Variants in SUGCT observed in about 807,000 individuals in gnomAD.
SUGCT encodes the protein succinyl-CoA:glutarate-CoA transferase.
SUGCT carries 41 observed loss-of-function variants against 55.0 expected under a neutral mutation model. The ratio of observed to expected loss-of-function variants is 0.74; its 90% CI spans 0.58 to 0.97. The LOEUF (loss-of-function observed/expected upper bound fraction) is 0.97. Ranked by LOEUF, SUGCT falls within the 50% of genes least tolerant of loss-of-function variation. SUGCT has a pLI of 0.00. For synonymous variants in SUGCT, 187 were observed against 200.4 expected, an observed-to-expected ratio of 0.93 and a Z score of 0.56; for missense variants, 568 against 547.8, an observed-to-expected ratio of 1.04 and a Z score of -0.37.
intron 12 of SUGCT, among the ~76,000 whole-genome samples, chr7:40,682,682 C>G (rs1372816650): frequency 6.6e-6 from 1 of 151,898 alleles, no homozygotes; most frequent in Non-Finnish European, 1.5e-5. Context: ...TTTTCTATGT[C>G]TATTAAGGTT....
intron 12 of SUGCT, among the ~76,000 whole-genome samples, chr7:40,528,130 T>TA (rs1334646134): frequency 2.0e-5 from 3 of 152,168 alleles, no homozygotes; most frequent in Non-Finnish European, 4.4e-5. Flanking sequence ...TAAGTATACT[T>TA]ACCTTGAAAG....
At chr7:40,421,050 C>A (rs2151370467) in intron 9 of SUGCT, among the ~76,000 whole-genome samples, 1 of 152,256 alleles carries the variant, frequency 6.6e-6, no homozygotes, top group South Asian at 2.1e-4. Flanking sequence ...CTGTTCCCAT[C>A]CTGTGCCTTT....
chr7:40,905,668 T>C, the SUGCT span, among the ~76,000 whole-genome samples: 2 of 152,140 alleles, frequency 1.3e-5, no homozygotes, highest in Non-Finnish European at 1.5e-5. Flanking sequence ...AAAATTGTTG[T>C]GGTAGAATAC....
At chr7:40,288,755 C>A (rs1326384578) in intron 8 of SUGCT, among the ~76,000 whole-genome samples, 1 of 151,816 alleles carries the variant, frequency 6.6e-6, no homozygotes, top group Non-Finnish European at 1.5e-5. Context: ...ATTTTCCTTT[C>A]AAAATGTAAA....
At chr7:40,732,474 T>C (rs1044936779) in intron 12 of SUGCT, among the ~76,000 whole-genome samples, 11 of 152,184 alleles carry the variant, frequency 7.2e-5, no homozygotes, top group Admixed American at 5.2e-4. Flanking sequence ...CAACCTGTTA[T>C]AGGCAGTGTA....
At chr7:40,516,580 C>T (rs905705959) in intron 12 of SUGCT, among the ~76,000 whole-genome samples, 1 of 152,032 alleles carries the variant, frequency 6.6e-6, no homozygotes, top group South Asian at 2.1e-4. Context: ...GTTGGCACAG[C>T]ACCAGTTATT....
chr7:40,160,021 A>G (rs1309338102), intron 1 of SUGCT, among the ~76,000 whole-genome samples: 1 of 152,190 alleles, frequency 6.6e-6, no homozygotes, highest in East Asian at 1.9e-4. Context: ...AAAGAACATA[A>G]GCAGCCTCTG....
intron 1 of SUGCT, among the ~76,000 whole-genome samples, chr7:40,167,612 A>G (rs1023236490): frequency 2.6e-5 from 4 of 152,310 alleles, no homozygotes; most frequent in East Asian, 1.9e-4. Flanking sequence ...TTATACCTCT[A>G]TTATAAGCTG....
chr7:40,163,261 T>A (rs540172936), intron 1 of SUGCT, among the ~76,000 whole-genome samples: 1 of 152,296 alleles, frequency 6.6e-6, no homozygotes, highest in African/African-American at 2.4e-5. Context: ...ATTCAAAAGT[T>A]CTTTTTCTGG....
At chr7:40,544,351 G>A (rs1296254679) in intron 12 of SUGCT, among the ~76,000 whole-genome samples, 2 of 152,090 alleles carry the variant, frequency 1.3e-5, no homozygotes, top group Non-Finnish European at 2.9e-5. Flanking sequence ...GCAAGTGGGT[G>A]TGTGAGCAAA....
chr7:41,005,549 T>A, the SUGCT span, among the ~76,000 whole-genome samples: 1 of 152,186 alleles, frequency 6.6e-6, no homozygotes, highest in Non-Finnish European at 1.5e-5. Flanking sequence ...ACTTCTCCTT[T>A]GTGGGTTTTG....
chr7:40,209,782 T>A (rs1405190050), intron 6 of SUGCT, among the ~76,000 whole-genome samples: 2 of 151,948 alleles, frequency 1.3e-5, no homozygotes, highest in Non-Finnish European at 2.9e-5. Context: ...GGTGACAGAG[T>A]GAGACTCTAT....
intron 8 of SUGCT, among the ~76,000 whole-genome samples, chr7:40,275,395 T>G (rs1425527113): frequency 6.6e-6 from 1 of 152,196 alleles, no homozygotes; most frequent in Non-Finnish European, 1.5e-5. Context: ...AAGCTGGTTA[T>G]ACTGAAATAT....
At chr7:40,482,466 T>C (rs541015018) in intron 11 of SUGCT, among the ~76,000 whole-genome samples, 31 of 152,340 alleles carry the variant, frequency 2.0e-4, no homozygotes, top group African/African-American at 6.7e-4. Flanking sequence ...TAGTTGATTT[T>C]ATTTCTTCTT....
At chr7:40,453,916 CTG>C (rs1789327282) in intron 10 of SUGCT, among the ~76,000 whole-genome samples, 1 of 152,056 alleles carries the variant, frequency 6.6e-6, no homozygotes, top group Admixed American at 6.6e-5. Flanking sequence ...ATCACAAACA[CTG>C]TTTAATAAAT....
chr7:40,971,312 A>G, the SUGCT span, among the ~76,000 whole-genome samples: 4 of 151,996 alleles, frequency 2.6e-5, no homozygotes, highest in Admixed American at 2.6e-4. Flanking sequence ...TGATCCCATC[A>G]CCTCCCACCA....
At chr7:40,607,106 ATTTTT>A (rs201083553) in intron 12 of SUGCT, among the ~76,000 whole-genome samples, 1 of 141,048 alleles carries the variant, frequency 7.1e-6, no homozygotes, top group Non-Finnish European at 1.6e-5. Flanking sequence ...CTTTTTCTGG[ATTTTT>A]TTTTTTTTTT....
chr7:40,417,431 A>T (rs1787064543), intron 9 of SUGCT, among the ~76,000 whole-genome samples: 1 of 151,782 alleles, frequency 6.6e-6, no homozygotes, highest in Non-Finnish European at 1.5e-5. Context: ...ATCCTTAGTA[A>T]TAGCAGTTTT....
chr7:40,644,383 C>T (rs868469273), intron 12 of SUGCT, among the ~76,000 whole-genome samples: 4 of 152,220 alleles, frequency 2.6e-5, no homozygotes, highest in African/African-American at 9.6e-5. Flanking sequence ...TCAATCACTG[C>T]TTTCTGGATT....
Sources: gnomAD v4.1 joint callset for allele counts (sites outside exome capture counted in the v4.1 genomes callset) on GRCh38, gnomAD v4.1.1 for gene constraint, MANE v1.5 for transcripts, NCBI Gene and HGNC (gene_info 2026-07-23, HGNC 2026-07-21) for gene names.